Variants in ZMYND8 observed in about 807,000 individuals in gnomAD.
ZMYND8 encodes MYND-type zinc finger-containing chromatin reader ZMYND8.
Under a neutral mutation model 140.8 loss-of-function variants are expected in ZMYND8, and 37 were observed. The ratio of observed to expected loss-of-function variants is 0.26; its 90% CI spans 0.20 to 0.35. The LOEUF (loss-of-function observed/expected upper bound fraction) is 0.35, where lower values mean the gene tolerates loss of function less well. Ranked by LOEUF, ZMYND8 falls within the 10% of genes least tolerant of loss-of-function variation. The pLI is 1.00. For synonymous variants in ZMYND8, 592 were observed against 597.1 expected (o/e 0.99, Z 0.12); for missense variants, 1,068 against 1,570.0 (o/e 0.68, Z 5.40).
chr20:47,262,806 G>A (rs1236869531), intron 11 of ZMYND8, among the ~76,000 whole-genome samples: 6 of 152,166 alleles, frequency 3.9e-5, no homozygotes, highest in Non-Finnish European at 8.8e-5. Flanking sequence ...CGGGAGCCAG[G>A]CTTACAAATG....
intron 2 of ZMYND8, among the ~76,000 whole-genome samples, chr20:47,337,263 A>C (rs2081458559): frequency 6.6e-6 from 1 of 152,128 alleles, no homozygotes; most frequent in Non-Finnish European, 1.5e-5. Flanking sequence ...GAGACACGAG[A>C]ATCAATTGAA....
intron 20 of ZMYND8, 149 bp from the exon 21 acceptor site, chr20:47,220,473 G>A: frequency 2.9e-6 from 2 of 686,034 alleles, no homozygotes; most frequent in Non-Finnish European, 5.0e-6. Flanking sequence ...GGAGTGATGG[G>A]CACAGGGCGG....
chr20:47,221,480 G>C lies in ZMYND8; in HGVS notation c.3257-6C>G. On this transcript the variant is annotated splice_region_variant and splice_polypyrimidine_tract_variant and intron_variant, in intron 19 of 22. Coordinates refer to ENST00000471951, the MANE Select transcript of ZMYND8 (RefSeq NM_001281775.3). ...TTCCTGCTGAGGAGCAGTAGCTGGG[G>C]ACAAAGGAGAGAGAGAGACGCCACA... 6.2e-7 allele frequency: 1 copy of C among 1,613,402 alleles called. No individual in the cohort carries two copies. Among genetic ancestry groups the C allele is most frequent in the Non-Finnish European group, 8.5e-7 (1 of 1,179,844 alleles).
At chr20:47,222,887 A>T (rs1298039326) in intron 19 of ZMYND8, among the ~76,000 whole-genome samples, 2 of 152,250 alleles carry the variant, frequency 1.3e-5, no homozygotes, top group Non-Finnish European at 1.5e-5. Flanking sequence ...ATCCATTTAT[A>T]TATCATCTAT....
chr20:47,253,794 C>T (rs1601300321), intron 12 of ZMYND8, among the ~76,000 whole-genome samples: 5 of 152,192 alleles, frequency 3.3e-5, no homozygotes, highest in African/African-American at 2.4e-5. Context: ...ACAGTAAATG[C>T]GACCCATTAA....
rs869052944 is a variant in ZMYND8, at chr20:47,342,185, CAAACA to C, written c.85+5666_85+5670del. Among the ~76,000 whole-genome samples, 7 of 151,532 alleles carry C rather than the reference CAAACA, an allele frequency of 4.6e-5. 1 individual carries two copies. The highest frequency in any genetic ancestry group is 1.7e-4 in the African/African-American group (7 of 41,302). Reference sequence around the variant, plus strand: ...AAACTCCATCTCAAAAACGAACAAACAAACAAACAAAAACGAGCACACTTAGTGCC... The same window carrying C: ...AAACTCCATCTCAAAAACGAACAAACAACAAAAACGAGCACACTTAGTGCC... On this transcript the variant is annotated intron_variant, in intron 2 of 22. Coordinates refer to ENST00000471951, the MANE Select transcript of ZMYND8 (RefSeq NM_001281775.3).
chr20:47,348,963 A>G (rs1231523852), intron 1 of ZMYND8: 2 of 152,252 alleles, frequency 1.3e-5, no homozygotes, highest in African/African-American at 4.8e-5. Context: ...AAATGGGTGC[A>G]TCACCAATTG....
At chr20:47,317,853 C>A (rs1331853343) in intron 2 of ZMYND8, among the ~76,000 whole-genome samples, 2 of 152,124 alleles carry the variant, frequency 1.3e-5, no homozygotes, top group South Asian at 2.1e-4. Flanking sequence ...GGCAACTTAA[C>A]CTCTCTGTGC....
intron 13 of ZMYND8, among the ~76,000 whole-genome samples, chr20:47,246,777 A>G (rs2040612603): frequency 6.6e-6 from 1 of 152,186 alleles, no homozygotes; most frequent in South Asian, 2.1e-4. Context: ...ATATGGCACT[A>G]AACATGTGGT....
intron 12 of ZMYND8, among the ~76,000 whole-genome samples, chr20:47,255,745 TATATATATATATATATATAC>T (rs2074623169): frequency 5.5e-5 from 3 of 54,946 alleles, no homozygotes; most frequent in East Asian, 7.3e-4. Flanking sequence ...TATATATATA[TATATATATATATATATATAC>T]GGTATATATA....
intron 11 of ZMYND8, among the ~76,000 whole-genome samples, chr20:47,265,624 G>A (rs542178908): frequency 6.6e-6 from 1 of 152,248 alleles, no homozygotes; most frequent in East Asian, 1.9e-4. Flanking sequence ...TGTATTTTTA[G>A]TAGAGACGGG....
chr20:47,290,893 A>G (rs2077224418), intron 6 of ZMYND8, among the ~76,000 whole-genome samples: 2 of 152,156 alleles, frequency 1.3e-5, no homozygotes, highest in African/African-American at 4.8e-5. Context: ...GCCCGGCCAA[A>G]CAGGGTATTT....
intron 1 of ZMYND8, chr20:47,352,391 TAA>T (rs2082862820): frequency 2.1e-6 from 2 of 943,638 alleles, no homozygotes; most frequent in African/African-American, 1.8e-5. Context: ...CAGCCAGTCC[TAA>T]GACAGTTAAC....
chr20:47,319,176 T>G, intron 2 of ZMYND8: 1 of 511,296 alleles, frequency 2.0e-6, no homozygotes, highest in Non-Finnish European at 3.4e-6. Flanking sequence ...GTCACCTCTT[T>G]GCAATCAGGC....
chr20:47,219,053 CA>C (rs2036539524), intron 21 of ZMYND8, among the ~76,000 whole-genome samples: 1 of 91,308 alleles, frequency 1.1e-5, no homozygotes. Context: ...CCCGTTTCTA[CA>C]ATTTTTTTTT....
intron 15 of ZMYND8, chr20:47,237,357 C>T (rs1261594529): frequency 2.0e-5 from 3 of 151,318 alleles, no homozygotes; most frequent in African/African-American, 7.3e-5. Flanking sequence ...GGGGTTTCAC[C>T]ATGTTGACTG....
intron 14 of ZMYND8, among the ~76,000 whole-genome samples, chr20:47,242,527 T>A (rs1215993693): frequency 6.6e-6 from 1 of 152,242 alleles, no homozygotes; most frequent in African/African-American, 2.4e-5. Context: ...GTGCCTTCAA[T>A]GCCTTCCTTT....
intron 12 of ZMYND8, among the ~76,000 whole-genome samples, chr20:47,256,389 G>C (rs1482050758): frequency 6.6e-6 from 1 of 152,174 alleles, no homozygotes; most frequent in East Asian, 1.9e-4. Flanking sequence ...GGAGGCCGAG[G>C]CGAGTGGATC....
chr20:47,356,333 G>GAAAA, intron 1 of ZMYND8: 4 of 1,046,572 alleles, frequency 3.8e-6, no homozygotes, highest in Admixed American at 3.5e-5. Flanking sequence ...AAGAGGGAAA[G>GAAAA]AAAAAAAAAA....
Sources: allele counts gnomAD v4.1 joint callset (sites outside exome capture counted in the v4.1 genomes callset), GRCh38; gene constraint gnomAD v4.1.1; transcripts MANE v1.5; gene names NCBI Gene and HGNC (gene_info 2026-07-23, HGNC 2026-07-21).